Variants in GRID1 observed in about 807,000 individuals in gnomAD.
GRID1 encodes the protein glutamate ionotropic receptor delta type subunit 1.
GRID1 carries 28 observed loss-of-function variants against 98.0 expected under a neutral mutation model. The observed-to-expected ratio is 0.29, with a 90% CI of 0.21 to 0.39. GRID1 has a LOEUF of 0.39. GRID1 is among the 10% of genes least tolerant of loss of function. The pLI, the probability that GRID1 is intolerant of heterozygous loss-of-function variation, is 1.00. For missense variants in GRID1, 1,111 were observed against 1,340.5 expected, an observed-to-expected ratio of 0.83 and a Z score of 2.67; for synonymous variants, 553 against 538.5, an observed-to-expected ratio of 1.03 and a Z score of -0.37.
chr10:85,746,837 T>C (rs1269290954), intron 8 of GRID1, among the ~76,000 whole-genome samples: 1 of 152,128 alleles, frequency 6.6e-6, no homozygotes, highest in African/African-American at 2.4e-5. Context: ...AATAATATAA[T>C]AAAATTATTG....
At chr10:85,983,361 G>A (rs900791992) in intron 4 of GRID1, among the ~76,000 whole-genome samples, 1 of 152,226 alleles carries the variant, frequency 6.6e-6, no homozygotes, top group South Asian at 2.1e-4. Context: ...TTTATCTGGT[G>A]AGATTATGCT....
At chr10:85,780,877 T>C (rs1484968063) in intron 8 of GRID1, among the ~76,000 whole-genome samples, 1 of 152,272 alleles carries the variant, frequency 6.6e-6, no homozygotes, top group Non-Finnish European at 1.5e-5. Flanking sequence ...CATAGTGTTT[T>C]ATAAATAGTT....
intron 12 of GRID1, among the ~76,000 whole-genome samples, chr10:85,672,955 T>C (rs764946872): frequency 2.8e-4 from 42 of 152,210 alleles, no homozygotes; most frequent in Admixed American, 7.2e-4. Flanking sequence ...GCAAAGTAAA[T>C]TGAAACCTTC....
intron 3 of GRID1, among the ~76,000 whole-genome samples, chr10:86,143,394 CA>C (rs1426338616): frequency 6.6e-6 from 1 of 152,156 alleles, no homozygotes; most frequent in Non-Finnish European, 1.5e-5. Context: ...CCCATCCCCC[CA>C]AAAAACCTGA....
chr10:86,097,191 A>G (rs1057512688), intron 4 of GRID1, among the ~76,000 whole-genome samples: 2 of 152,240 alleles, frequency 1.3e-5, no homozygotes, highest in African/African-American at 2.4e-5. Context: ...CTCTGGCTCA[A>G]AGACAGCCTG....
At chr10:85,762,004 G>C (rs1428265418) in intron 8 of GRID1, among the ~76,000 whole-genome samples, 9 of 152,202 alleles carry the variant, frequency 5.9e-5, no homozygotes, top group Non-Finnish European at 1.0e-4. Flanking sequence ...TGAAAACATT[G>C]AAAAGCCTTC....
intron 6 of GRID1, among the ~76,000 whole-genome samples, chr10:85,867,475 G>A (rs1843232993): frequency 6.6e-6 from 1 of 152,134 alleles, no homozygotes; most frequent in South Asian, 2.1e-4. Context: ...GCTGCACTGG[G>A]TGGGAATGGG....
chr10:85,620,902 A>G (rs1842851776), intron 13 of GRID1, among the ~76,000 whole-genome samples: 1 of 152,194 alleles, frequency 6.6e-6, no homozygotes, highest in African/African-American at 2.4e-5. Context: ...ATATGCACAC[A>G]CAGGTGCAGG....
chr10:85,792,813 T>G (rs1842493041), intron 8 of GRID1, among the ~76,000 whole-genome samples: 1 of 152,116 alleles, frequency 6.6e-6, no homozygotes, highest in African/African-American at 2.4e-5. Flanking sequence ...CAATGACCCT[T>G]ATTCTGAGTT....
intron 4 of GRID1, among the ~76,000 whole-genome samples, chr10:86,094,939 C>G (rs1190424110): frequency 2.0e-5 from 3 of 152,092 alleles, no homozygotes; most frequent in Non-Finnish European, 4.4e-5. Context: ...TACCTGATTT[C>G]AAACTATACT....
chr10:86,232,195 C>T (rs1846465215), intron 2 of GRID1, among the ~76,000 whole-genome samples: 1 of 152,154 alleles, frequency 6.6e-6, no homozygotes, highest in African/African-American at 2.4e-5. Context: ...ACTGGGAGGC[C>T]AGGGAGGGCC....
chr10:85,630,142 C>G (rs1349656491), intron 13 of GRID1, among the ~76,000 whole-genome samples: 1 of 152,110 alleles, frequency 6.6e-6, no homozygotes, highest in African/African-American at 2.4e-5. Context: ...TGTTATCTGC[C>G]CTTTGATTTT....
At chr10:85,609,899 T>C (rs1286132680) in intron 15 of GRID1, among the ~76,000 whole-genome samples, 3 of 152,246 alleles carry the variant, frequency 2.0e-5, no homozygotes, top group Admixed American at 2.0e-4. Flanking sequence ...TCCATGGAGT[T>C]TGGTGCATTC....
chr10:85,740,458 A>T (rs1309644213), intron 8 of GRID1, among the ~76,000 whole-genome samples: 1 of 152,146 alleles, frequency 6.6e-6, no homozygotes, highest in Non-Finnish European at 1.5e-5. Flanking sequence ...GACACTTCTG[A>T]CAGTCAATTC....
chr10:85,690,305 A>G (rs1173530597), intron 12 of GRID1, among the ~76,000 whole-genome samples: 1 of 152,194 alleles, frequency 6.6e-6, no homozygotes, highest in Admixed American at 6.5e-5. Flanking sequence ...ATTGATTAGT[A>G]TGTCTTTGCT....
chr10:85,931,868 G>C (rs1841854655), intron 4 of GRID1, among the ~76,000 whole-genome samples: 1 of 152,158 alleles, frequency 6.6e-6, no homozygotes, highest in Non-Finnish European at 1.5e-5. Flanking sequence ...CTTTGCAATG[G>C]AAGATTCCCC....
At chr10:86,239,794 C>T (rs904452382) in intron 2 of GRID1, among the ~76,000 whole-genome samples, 2 of 152,216 alleles carry the variant, frequency 1.3e-5, no homozygotes, top group African/African-American at 2.4e-5. Flanking sequence ...GCCTCATATA[C>T]AGCCCAGAGA....
chr10:86,029,016 A>G lies in GRID1; in HGVS notation c.726+109803T>C, dbSNP rs139982586. Among the ~76,000 whole-genome samples, 120 of 152,282 alleles carry G rather than the reference A, an allele frequency of 7.9e-4. 1 individual carries two copies. Among genetic ancestry groups the G allele is most frequent in the African/African-American group, 2.6e-3 (110 of 41,538 alleles). ...CTCCCTTAAGCATCCCTCTAATGCT[A>G]TACTATGGCTATCCACAGTGTCTGT... On this transcript the variant is annotated intron_variant, in intron 4 of 15. Coordinates refer to ENST00000327946, the MANE Select transcript of GRID1 (RefSeq NM_017551.3).
intron 2 of GRID1, among the ~76,000 whole-genome samples, chr10:86,326,871 C>T (rs1221894482): frequency 6.6e-6 from 1 of 152,180 alleles, no homozygotes; most frequent in Non-Finnish European, 1.5e-5. Context: ...CGCAATGGTT[C>T]GCACCTGTAA....
Sources: allele counts gnomAD v4.1 joint callset (sites outside exome capture counted in the v4.1 genomes callset), GRCh38; gene constraint gnomAD v4.1.1; transcripts MANE v1.5; gene names NCBI Gene and HGNC (gene_info 2026-07-23, HGNC 2026-07-21).